The following CFAP91 variants were observed in gnomAD, a reference collection of about 807,000 sequenced individuals.
The protein encoded by CFAP91 is cilia- and flagella-associated protein 91.
Under a neutral mutation model 95.9 loss-of-function variants are expected in CFAP91, and 85 were observed. The observed-to-expected ratio is 0.89, with a 90% confidence interval of 0.74 to 1.06. The LOEUF (loss-of-function observed/expected upper bound fraction) is 1.06. CFAP91 is among the 50% of genes least tolerant of loss of function. The probability of loss-of-function intolerance (pLI) is 0.00; values close to 1 mark genes in which losing one functional copy is unlikely to be tolerated. For synonymous variants in CFAP91, 335 were observed against 327.5 expected (o/e 1.02, Z -0.25); for missense variants, 962 against 943.4 (o/e 1.02, Z -0.26).
intron 3 of CFAP91, among the ~76,000 whole-genome samples, chr3:119,707,860 A>G (rs1162794093): frequency 1.3e-5 from 2 of 151,952 alleles, no homozygotes; most frequent in South Asian, 4.1e-4. Flanking sequence ...CTAGTATCTA[A>G]AATATTTTTT....
chr3:119,711,691 T>C (rs2053476316), intron 5 of CFAP91, among the ~76,000 whole-genome samples: 3 of 152,230 alleles, frequency 2.0e-5, no homozygotes, highest in Admixed American at 2.0e-4. Flanking sequence ...GAGCAGTGAG[T>C]ATAATGCCAC....
Position 119,747,193 on chromosome 3 carries a change from G to A in CFAP91, c.1981G>A (p.Glu661Lys). Reference protein sequence around the residue: ...ILNTEANTAEEQARAEIEKMA... With the variant: ...ILNTEANTAEKQARAEIEKMA... ...GAATACCGAAGCGAATACTGCAGAA[G>A]AACAAGCCAGGGCAGAAATAGAGAA... Residue 661 changes from glutamate to lysine, a missense_variant, in exon 15 of 18, where the codon GAA becomes AAA. Physicochemically the swap from Glu to Lys is moderately conservative, Grantham distance 56. Coordinates refer to ENST00000273390, the MANE Select transcript of CFAP91 (RefSeq NM_033364.4). 6.2e-7 allele frequency: 1 copy of A among 1,613,884 alleles called. No homozygotes were observed. Among genetic ancestry groups the A allele is most frequent in the Non-Finnish European group, 8.5e-7 (1 of 1,179,832 alleles).
chr3:119,719,765 T>G (rs1299978527), intron 6 of CFAP91, among the ~76,000 whole-genome samples: 2 of 152,116 alleles, frequency 1.3e-5, no homozygotes, highest in African/African-American at 4.8e-5. Context: ...ATAAACAACT[T>G]AAGAAATACG....
intron 10 of CFAP91, among the ~76,000 whole-genome samples, chr3:119,734,297 G>A (rs1053532374): frequency 6.6e-6 from 1 of 152,094 alleles, no homozygotes; most frequent in Non-Finnish European, 1.5e-5. Context: ...AAATTGATGG[G>A]AACCTATCCT....
chr3:119,705,740 C>T (rs1048332019), intron 1 of CFAP91, among the ~76,000 whole-genome samples: 2 of 152,132 alleles, frequency 1.3e-5, no homozygotes, highest in African/African-American at 4.8e-5. Context: ...TGTTGTCTCT[C>T]TCTCATGAAG....
intron 17 of CFAP91, among the ~76,000 whole-genome samples, chr3:119,764,750 G>GATTT (rs1442523898): frequency 6.6e-6 from 1 of 152,060 alleles, no homozygotes. Context: ...GGGGAAAAGA[G>GATTT]ATTTACCTTT....
intron 17 of CFAP91, among the ~76,000 whole-genome samples, chr3:119,751,974 A>G (rs965498892): frequency 2.6e-5 from 4 of 152,228 alleles, no homozygotes; most frequent in Non-Finnish European, 5.9e-5. Flanking sequence ...ATCAGGGGTC[A>G]TTTTTAAGTA....
intron 14 of CFAP91, among the ~76,000 whole-genome samples, chr3:119,745,983 A>G (rs1312953715): frequency 6.6e-6 from 1 of 152,216 alleles, no homozygotes. Context: ...CATGAAACAG[A>G]AAAATGCCCT....
intron 17 of CFAP91, among the ~76,000 whole-genome samples, chr3:119,756,827 G>T (rs1216034087): frequency 6.6e-6 from 1 of 152,108 alleles, no homozygotes; most frequent in Admixed American, 6.5e-5. Flanking sequence ...AATACAAAAA[G>T]TGGATAGAAA....
chr3:119,757,976 C>G (rs2054464228), intron 17 of CFAP91, among the ~76,000 whole-genome samples: 1 of 152,190 alleles, frequency 6.6e-6, no homozygotes. Context: ...AAAATTCACT[C>G]AGTTCCATGG....
At position 119,706,842 on chromosome 3, in the gene CFAP91, A is replaced by T. The variant is rs1449058731; in HGVS notation, c.158A>T (p.His53Leu). 1 of 1,613,572 alleles carries T rather than the reference A, an allele frequency of 6.2e-7. No homozygotes were observed. The highest frequency in any genetic ancestry group is 1.7e-5 in the Admixed American group (1 of 59,912). Residue 53 changes from histidine to leucine, a missense_variant, in exon 2 of 18, where the codon CAT becomes CTT. Transcript: ENST00000273390. ...TTTATTGTGTCAAGTGAGAAAGACC[A>T]TACACAGGCAAATATCCAAGCTACC... ...PLFIVSSEKDHTQANIQATLI... is the reference protein window; with the variant it reads ...PLFIVSSEKDLTQANIQATLI...
At chr3:119,760,164 A>G (rs1411045197) in intron 17 of CFAP91, among the ~76,000 whole-genome samples, 4 of 151,892 alleles carry the variant, frequency 2.6e-5, no homozygotes, top group African/African-American at 4.8e-5. Context: ...AAGGACTCAC[A>G]TAGACTGAAA....
At position 119,740,574 on chromosome 3, in the gene CFAP91, T is replaced by C; in HGVS notation, c.1559T>C (p.Leu520Pro). 1 of 1,613,756 alleles carries C rather than the reference T, an allele frequency of 6.2e-7. No homozygotes were observed. Among genetic ancestry groups the C allele is most frequent in the South Asian group, 1.1e-5 (1 of 91,052 alleles). Residue 520 changes from leucine (L) to proline (P), a missense_variant, in exon 13 of 18, where the codon CTG (leucine) becomes CCG (proline). Transcript: ENST00000273390. ...NMMFEGKEKR[L>P]ELIQELRTCH... Reference sequence around the variant, plus strand: ...ATGTTTGAAGGGAAAGAAAAGCGACTGGAGTTGATCCAGGAGTTGCGCACC... The same window carrying C: ...ATGTTTGAAGGGAAAGAAAAGCGACCGGAGTTGATCCAGGAGTTGCGCACC...
chr3:119,726,286 G>T lies in CFAP91; in HGVS notation c.798G>T (p.Arg266Ser), dbSNP rs1339062914. The change falls in exon 7 of 18, where the codon AGG (arginine) becomes AGT (serine). Residue 266 changes from arginine to serine, a missense_variant. Coordinates refer to ENST00000273390, the MANE Select transcript of CFAP91 (RefSeq NM_033364.4). ...ALSDTSQFEK[R>S]RKMMNEMERK... is the part of the protein sequence containing the mutation. ...GTGACACCTCCCAGTTTGAGAAGAGGAGGAAAATGATGAATGAAATGGAGA... is the reference window on the plus strand; with the variant it reads ...GTGACACCTCCCAGTTTGAGAAGAGTAGGAAAATGATGAATGAAATGGAGA... 1.9e-6 allele frequency: 3 copies of T among 1,613,974 alleles called. No individual in the cohort carries two copies. Among genetic ancestry groups the T allele is most frequent in the Non-Finnish European group, 2.5e-6 (3 of 1,179,948 alleles).
chr3:119,732,273 T>TG (rs368865309), intron 8 of CFAP91, 21 bp from the exon 9 acceptor site: 29 of 1,566,122 alleles, frequency 1.9e-5, no homozygotes, highest in Middle Eastern at 3.3e-4. Context: ...GAGATAGTCA[T>TG]GGAGGTATGT....
rs2054615054 is a variant in CFAP91 at position 119,765,729 on chromosome 3, G to A, written c.*679G>A. 6.6e-6 allele frequency: 1 copy of A among 152,166 alleles called. No individual in the cohort carries two copies. Among genetic ancestry groups the A allele is most frequent in the Non-Finnish European group, 1.5e-5 (1 of 68,036 alleles). 9.4% of individuals were successfully genotyped at this position (152,166 alleles called of 1,614,324 possible). The stretch of plus-strand genomic sequence containing the variant: ...CCATCCTGTGTATTGACAAGCATCA[G>A]GATTCCAGGAGGATTCTTCCTGATT... On this transcript the variant is annotated 3_prime_UTR_variant, in exon 18 of 18. Transcript: ENST00000273390.
intron 6 of CFAP91, among the ~76,000 whole-genome samples, chr3:119,725,216 G>C (rs1002895264): frequency 1.3e-5 from 2 of 152,316 alleles, no homozygotes; most frequent in Admixed American, 1.3e-4. Flanking sequence ...GCACCTAAGT[G>C]TGCTGGCATC....
chr3:119,712,429 TATTTA>T (rs1242002873), intron 5 of CFAP91, among the ~76,000 whole-genome samples: 5 of 152,222 alleles, frequency 3.3e-5, no homozygotes, highest in African/African-American at 1.2e-4. Flanking sequence ...AATGTGTAAT[TATTTA>T]ATTTGAGAAA....
At chr3:119,714,298 G>A (rs2053532553) in intron 5 of CFAP91, among the ~76,000 whole-genome samples, 1 of 151,442 alleles carries the variant, frequency 6.6e-6, no homozygotes, top group African/African-American at 2.4e-5. Flanking sequence ...CCCAGGAGGC[G>A]GAGCTTGCAG....
Sources: gnomAD v4.1 joint callset for allele counts (sites outside exome capture counted in the v4.1 genomes callset) on GRCh38, gnomAD v4.1.1 for gene constraint, MANE v1.5 for transcripts, NCBI Gene and HGNC (gene_info 2026-07-23, HGNC 2026-07-21) for gene names.